Variants in DCHS2 observed in about 807,000 individuals in gnomAD.
The protein encoded by DCHS2 is protocadherin-23.
A neutral mutation model predicts 182.4 loss-of-function variants in DCHS2; 142 were observed. That is an observed-to-expected ratio of 0.78 (90% CI 0.68 to 0.89). The LOEUF is 0.89. Among genes scored for constraint, DCHS2 ranks in the 40% least tolerant of loss-of-function variants. The pLI is 0.00. For synonymous variants in DCHS2, 1,740 were observed against 1,663.3 expected (o/e 1.05, Z -1.12); for missense variants, 4,319 against 4,198.6 (o/e 1.03, Z -0.79).
At position 154,417,158 on chromosome 4, in the gene DCHS2, AGTGTGTGT is replaced by A. The variant is rs778940410; in HGVS notation, c.2053-39722_2053-39715del. Among the ~76,000 whole-genome samples the A allele has an allele frequency of 8.5e-3, 675 of 79,448 alleles. 8 individuals carry two copies. The highest frequency in any genetic ancestry group is 0.011 in the African/African-American group (226 of 20,072). The allele number at this position is 79,448 out of a possible 152,430, so 52.1% of individuals were successfully genotyped here. A position where few individuals can be genotyped will look rare whatever the true frequency, so the allele number is the denominator to read the frequency against. ...CTGTCACCACCTCAGGCCGGTCCCG[AGTGTGTGT>A]GTGTGTGTGTGTGTGTGTGTGTGTG... On this transcript the variant is annotated intron_variant, in intron 1 of 19. Coordinates refer to ENST00000357232, the MANE Select transcript of DCHS2 (RefSeq NM_001358235.2).
At chr4:154,421,426 A>T (rs992022347) in intron 1 of DCHS2, among the ~76,000 whole-genome samples, 6 of 147,138 alleles carry the variant, frequency 4.1e-5, no homozygotes, top group African/African-American at 1.5e-4. Flanking sequence ...GAAAAGTCTC[A>T]CTCTGTCACC....
intron 1 of DCHS2, among the ~76,000 whole-genome samples, chr4:154,383,128 C>T (rs930921418): frequency 4.5e-4 from 69 of 152,268 alleles, no homozygotes; most frequent in African/African-American, 1.2e-3. Flanking sequence ...AAATGTGGAA[C>T]ATATGCACTA....
At chr4:154,289,962 G>T (rs1734575853) in intron 13 of DCHS2, among the ~76,000 whole-genome samples, 1 of 149,900 alleles carries the variant, frequency 6.7e-6, no homozygotes, top group Non-Finnish European at 1.5e-5. Context: ...ACAAGAGAAA[G>T]AAATAAAGGA....
chr4:154,442,344 G>T (rs1347830693), intron 1 of DCHS2, among the ~76,000 whole-genome samples: 1 of 151,916 alleles, frequency 6.6e-6, no homozygotes, highest in Non-Finnish European at 1.5e-5. Flanking sequence ...TCAATCCCTA[G>T]ACTCTCTTAC....
rs772064967 is a variant in DCHS2, at chr4:154,298,659, G to C, written c.5655C>G (p.Leu1885=). The part of the protein sequence containing the change: ...CFTINEMSGE[L]STTRALDREQ... ...CCCGGTCCAAAGCACGAGTGGTTGAGAGTTCTCCTGACATCTCATTTATAG... is the reference window on the plus strand; with the variant it reads ...CCCGGTCCAAAGCACGAGTGGTTGACAGTTCTCCTGACATCTCATTTATAG... The change falls in exon 13 of 20, where the codon CTC becomes CTG. Residue 1885 remains leucine (L), a synonymous_variant. Transcript: ENST00000357232. The C allele has an allele frequency of 1.9e-6, 3 of 1,611,684 alleles. No individual in the cohort carries two copies. The highest frequency in any genetic ancestry group is 2.5e-6 in the Non-Finnish European group (3 of 1,179,148).
intron 3 of DCHS2, among the ~76,000 whole-genome samples, chr4:154,363,828 G>A (rs908718640): frequency 1.8e-4 from 27 of 152,180 alleles, no homozygotes; most frequent in African/African-American, 6.5e-4. Flanking sequence ...TATACAATGT[G>A]TTTTCAGTTG....
chr4:154,483,746 C>T (rs1056663321), intron 1 of DCHS2, among the ~76,000 whole-genome samples: 2 of 152,058 alleles, frequency 1.3e-5, no homozygotes, highest in African/African-American at 2.4e-5. Context: ...GGGTTGTGGT[C>T]CTTGAGGCTC....
At chr4:154,449,637 T>C (rs1734453306) in intron 1 of DCHS2, among the ~76,000 whole-genome samples, 1 of 152,198 alleles carries the variant, frequency 6.6e-6, no homozygotes, top group African/African-American at 2.4e-5. Context: ...CCTCCCAAAG[T>C]GCTGGGATTA....
intron 8 of DCHS2, among the ~76,000 whole-genome samples, chr4:154,321,860 T>C (rs1465600929): frequency 6.6e-6 from 1 of 152,146 alleles, no homozygotes; most frequent in Non-Finnish European, 1.5e-5. Context: ...TATGGAGACT[T>C]CTCACAACTT....
At chr4:154,312,766 T>C (rs1278520238) in intron 10 of DCHS2, among the ~76,000 whole-genome samples, 1 of 152,224 alleles carries the variant, frequency 6.6e-6, no homozygotes, top group Non-Finnish European at 1.5e-5. Context: ...TCAGATATTT[T>C]AGCATCCTTA....
chr4:154,471,211 A>G (rs1384591832), intron 1 of DCHS2, among the ~76,000 whole-genome samples: 1 of 152,206 alleles, frequency 6.6e-6, no homozygotes, highest in Non-Finnish European at 1.5e-5. Context: ...AGTGTCTCCG[A>G]CAGCCCAGTT....
intron 10 of DCHS2, among the ~76,000 whole-genome samples, chr4:154,308,178 TTATA>T (rs1445640606): frequency 3.3e-5 from 5 of 151,980 alleles, no homozygotes; most frequent in African/African-American, 9.6e-5. Flanking sequence ...GACCTTCTGA[TTATA>T]AAGTCTACTG....
At chr4:154,382,166 A>C (rs1261830202) in intron 1 of DCHS2, among the ~76,000 whole-genome samples, 1 of 151,974 alleles carries the variant, frequency 6.6e-6, no homozygotes, top group Non-Finnish European at 1.5e-5. Context: ...ACAAAGTTGA[A>C]TAAGCAATAA....
rs577969885 is a variant in DCHS2 at position 154,478,364 on chromosome 4, C to T, written c.2052+10940G>A. Among the ~76,000 whole-genome samples, 16 of 152,286 alleles carry T rather than the reference C, an allele frequency of 1.1e-4. No individual in the cohort carries two copies. In the South Asian group the frequency reaches 3.3e-3, roughly 32 times the overall value. ...CCCTCCTGCATGTAACAACTGTAAA[C>T]TTTAAATAAAACAGAAACAAAAATA... On this transcript the variant is annotated intron_variant, in intron 1 of 19. Transcript: ENST00000357232.
At chr4:154,290,260 A>G (rs558494665) in intron 13 of DCHS2, among the ~76,000 whole-genome samples, 5 of 152,064 alleles carry the variant, frequency 3.3e-5, no homozygotes, top group Non-Finnish European at 7.4e-5. Flanking sequence ...TCTGCAATGA[A>G]AAGTATAAAA....
At chr4:154,300,450 G>A (rs565693493) in intron 12 of DCHS2, among the ~76,000 whole-genome samples, 40 of 144,964 alleles carry the variant, frequency 2.8e-4, no homozygotes, top group African/African-American at 1.0e-3. Context: ...AAGGCGGGAG[G>A]ATTGCTTGAG....
rs186112607 is a variant in DCHS2 at position 154,470,474 on chromosome 4, C to A, written c.2052+18830G>T. On this transcript the variant is annotated intron_variant, in intron 1 of 19. Transcript: ENST00000357232. ...CTGTACTTCAGCCTGGGTGACAGAG[C>A]AAGACCCTGTCTCAAAAAAAAAAAA... 8.2e-3 allele frequency among the ~76,000 whole-genome samples: 953 copies of A among 116,736 alleles called. 20 individuals carry two copies. In the South Asian group the frequency reaches 0.1, roughly 12 times the overall value. The allele number at this position is 116,736 out of a possible 152,430, so 76.6% of individuals were successfully genotyped here.
intron 3 of DCHS2, among the ~76,000 whole-genome samples, chr4:154,362,412 T>C (rs1730165087): frequency 6.6e-6 from 1 of 152,188 alleles, no homozygotes; most frequent in Non-Finnish European, 1.5e-5. Flanking sequence ...AAGTTACTTT[T>C]GCAATATTTC....
chr4:154,308,135 C>G (rs1028943455), intron 10 of DCHS2, among the ~76,000 whole-genome samples: 9 of 151,896 alleles, frequency 5.9e-5, no homozygotes, highest in Admixed American at 2.0e-4. Context: ...TCAAACCATG[C>G]CATTGCCAGT....
Sources: gnomAD v4.1 joint callset for allele counts (sites outside exome capture counted in the v4.1 genomes callset) on GRCh38, gnomAD v4.1.1 for gene constraint, MANE v1.5 for transcripts, NCBI Gene and HGNC (gene_info 2026-07-23, HGNC 2026-07-21) for gene names.